The following C10orf90 variants were observed in gnomAD, a reference collection of about 807,000 sequenced individuals.
C10orf90 encodes the protein chromosome 10 open reading frame 90.
Under a neutral mutation model 62.5 loss-of-function variants are expected in C10orf90, and 56 were observed. The ratio of observed to expected loss-of-function variants is 0.90; its 90% CI spans 0.72 to 1.12. The LOEUF (loss-of-function observed/expected upper bound fraction) is 1.12. C10orf90 is among the 50% of genes most tolerant of loss of function. The probability of loss-of-function intolerance (pLI) is 0.00; values close to 1 mark genes in which losing one functional copy is unlikely to be tolerated. For synonymous variants in C10orf90, 386 were observed against 340.4 expected (o/e 1.13, Z -1.47); for missense variants, 970 against 880.4 (o/e 1.10, Z -1.29).
intron 2 of C10orf90, among the ~76,000 whole-genome samples, chr10:126,622,067 G>C (rs553811755): frequency 4.6e-4 from 70 of 152,052 alleles, no homozygotes; most frequent in Admixed American, 2.5e-3. Flanking sequence ...TTTTCTCCTA[G>C]CACCCAGAAC....
At chr10:126,540,082 A>G (rs1864337929) in intron 2 of C10orf90, among the ~76,000 whole-genome samples, 1 of 152,234 alleles carries the variant, frequency 6.6e-6, no homozygotes, top group African/African-American at 2.4e-5. Context: ...AGTAACAATC[A>G]ATTAGAAAAT....
In C10orf90 at chr10:126,464,688, C is replaced by G. The variant is rs367883595; in HGVS notation, c.1825+8G>C. 1.2e-6 allele frequency: 2 copies of G among 1,603,642 alleles called. No individual in the cohort carries two copies. The highest frequency in any genetic ancestry group is 2.7e-5 in the African/African-American group (2 of 74,550). On this transcript the variant is annotated splice_region_variant and intron_variant, in intron 5 of 9. Transcript: ENST00000488181. ...CAAATGATGTCACCCACCACCCTCG[C>G]TCCTTACCTTTGGGGAACTTGCTTT...
At chr10:126,502,924 A>G (rs1862488883) in intron 4 of C10orf90, 1 of 404,224 alleles carries the variant, frequency 2.5e-6, no homozygotes, top group South Asian at 2.1e-5. Flanking sequence ...ATTTCAATAT[A>G]TATACAGTTG....
At position 126,461,955 on chromosome 10, in the gene C10orf90, C is replaced by T. The variant is rs1021976163; in HGVS notation, c.1826-370G>A. ...GTTTTGGGACAGTGTATTAATCTAC[C>T]CAGCACTTACTACACTGATGATATA... On this transcript the variant is annotated intron_variant, in intron 5 of 9. Transcript: ENST00000488181. 7.9e-5 allele frequency among the ~76,000 whole-genome samples: 12 copies of T among 152,086 alleles called. No homozygotes were observed. In the East Asian group the frequency reaches 1.2e-3, roughly 15 times the overall value.
chr10:126,454,916 C>T (rs1253186723), intron 7 of C10orf90, among the ~76,000 whole-genome samples: 1 of 152,000 alleles, frequency 6.6e-6, no homozygotes, highest in Non-Finnish European at 1.5e-5. Flanking sequence ...GGAGAGAGGC[C>T]CTTGGGTTGG....
chr10:126,453,624 G>T lies in C10orf90; in HGVS notation c.2188+5416C>A, dbSNP rs1162493592. On this transcript the variant is annotated intron_variant, in intron 7 of 9. Transcript: ENST00000488181. This position sits in a 1 kb window ranked among gnomAD's most constrained non-coding sequence, Gnocchi z 4.9. ...AGAACAGAAGGGGGCAACGTGGGCTGAGTTTGAGCACTGTCAGGCTGAGTT... is the reference window on the plus strand; with the variant it reads ...AGAACAGAAGGGGGCAACGTGGGCTTAGTTTGAGCACTGTCAGGCTGAGTT... 2.0e-5 allele frequency among the ~76,000 whole-genome samples: 3 copies of T among 152,212 alleles called. No individual in the cohort carries two copies. The highest frequency in any genetic ancestry group is 7.2e-5 in the African/African-American group (3 of 41,460).
At chr10:126,563,317 C>A (rs558666083) in intron 2 of C10orf90, among the ~76,000 whole-genome samples, 1 of 152,168 alleles carries the variant, frequency 6.6e-6, no homozygotes, top group African/African-American at 2.4e-5. Flanking sequence ...GCCTTGAGAC[C>A]CCAGCTTTTA....
At chr10:126,570,838 G>C (rs1844490571) in intron 2 of C10orf90, among the ~76,000 whole-genome samples, 1 of 151,974 alleles carries the variant, frequency 6.6e-6, no homozygotes, top group African/African-American at 2.4e-5. Flanking sequence ...TTCCAATCCA[G>C]TCTTTCAAAA....
In C10orf90 at chr10:126,612,561, G is replaced by T. The variant is rs568372522; in HGVS notation, c.313+34004C>A. 1.4e-4 allele frequency among the ~76,000 whole-genome samples: 21 copies of T among 152,316 alleles called. No individual in the cohort carries two copies. The East Asian group carries it at 3.9e-3, about 28-fold the overall frequency. On this transcript the variant is annotated intron_variant, in intron 2 of 9. Coordinates refer to ENST00000488181, the MANE Select transcript of C10orf90 (RefSeq NM_001350921.2). ...CCATGGCCCATTTTGCCAGCCATCT[G>T]AAGAGGTTTGGAATTCTTAGGGATG...
At chr10:126,507,030 A>C (rs1214639016) in intron 3 of C10orf90, among the ~76,000 whole-genome samples, 3 of 151,888 alleles carry the variant, frequency 2.0e-5, no homozygotes, top group Non-Finnish European at 2.9e-5. Context: ...TTGCATGACA[A>C]TCTCCATCAC....
chr10:126,630,251 C>A (rs985245521), intron 2 of C10orf90, among the ~76,000 whole-genome samples: 3 of 152,174 alleles, frequency 2.0e-5, no homozygotes, highest in East Asian at 1.9e-4. Context: ...ATGTTGAAGG[C>A]CTTCATTCAG....
chr10:126,517,489 T>A (rs948394740), intron 2 of C10orf90, among the ~76,000 whole-genome samples: 3 of 152,208 alleles, frequency 2.0e-5, no homozygotes, highest in Admixed American at 2.0e-4. Context: ...CAAGACTGTC[T>A]GAGTCCTGCC....
chr10:126,478,023 T>G (rs1246937716), intron 4 of C10orf90, among the ~76,000 whole-genome samples: 1 of 152,112 alleles, frequency 6.6e-6, no homozygotes, highest in African/African-American at 2.4e-5. Context: ...CTCAGGGTGG[T>G]TGGTTTGTGA....
chr10:126,595,091 GA>G (rs750573570), intron 2 of C10orf90, among the ~76,000 whole-genome samples: 1 of 152,208 alleles, frequency 6.6e-6, no homozygotes, highest in Non-Finnish European at 1.5e-5. Flanking sequence ...TCCCATCTCA[GA>G]GCCAGTACTA....
chr10:126,555,890 A>T (rs1411134254), intron 2 of C10orf90, among the ~76,000 whole-genome samples: 1 of 152,104 alleles, frequency 6.6e-6, no homozygotes, highest in Non-Finnish European at 1.5e-5. Flanking sequence ...AAATAGAGAG[A>T]AATGACTATA....
At chr10:126,655,324 T>A (rs892531413) in intron 1 of C10orf90, among the ~76,000 whole-genome samples, 3 of 151,866 alleles carry the variant, frequency 2.0e-5, no homozygotes, top group South Asian at 2.1e-4. Context: ...CTCAAAAAAA[T>A]ATATATATAG....
At chr10:126,607,276 C>T (rs1845333170) in intron 2 of C10orf90, among the ~76,000 whole-genome samples, 1 of 152,164 alleles carries the variant, frequency 6.6e-6, no homozygotes, top group African/African-American at 2.4e-5. Flanking sequence ...CCCTGCATAA[C>T]AAAATGGGAA....
At chr10:126,481,770 GC>G (rs1861172587) in intron 4 of C10orf90, among the ~76,000 whole-genome samples, 1 of 152,110 alleles carries the variant, frequency 6.6e-6, no homozygotes, top group East Asian at 1.9e-4. Context: ...AAACTAGAAT[GC>G]CTTGTTCCAA....
At chr10:126,592,604 A>C (rs1033914192) in intron 2 of C10orf90, among the ~76,000 whole-genome samples, 1 of 152,214 alleles carries the variant, frequency 6.6e-6, no homozygotes, top group Non-Finnish European at 1.5e-5. Context: ...AAGAAAACCT[A>C]GGCAATACCA....
Sources: gnomAD v4.1 joint callset for allele counts (sites outside exome capture counted in the v4.1 genomes callset) on GRCh38, gnomAD v4.1.1 for gene constraint, Gnocchi (gnomAD v3.1) non-coding constraint, MANE v1.5 for transcripts, NCBI Gene and HGNC (gene_info 2026-07-23, HGNC 2026-07-21) for gene names.